The following MYRIP variants were observed in gnomAD, a reference collection of about 807,000 sequenced individuals.
MYRIP encodes the protein rab effector MyRIP.
In MYRIP, 49 loss-of-function variants were observed where a neutral mutation model predicts 98.0. The ratio of observed to expected loss-of-function variants is 0.50; its 90% CI spans 0.40 to 0.63. The LOEUF (loss-of-function observed/expected upper bound fraction) is 0.63, where lower values mean the gene tolerates loss of function less well. MYRIP is among the 30% of genes least tolerant of loss of function. MYRIP has a pLI of 0.00. For synonymous variants in MYRIP, 404 were observed against 409.5 expected, an observed-to-expected ratio of 0.99 and a Z score of 0.16; for missense variants, 1,004 against 1,058.2, an observed-to-expected ratio of 0.95 and a Z score of 0.71.
At chr3:40,091,079 G>A (rs1232212165) in intron 3 of MYRIP, among the ~76,000 whole-genome samples, 1 of 152,232 alleles carries the variant, frequency 6.6e-6, no homozygotes, top group East Asian at 1.9e-4. Context: ...TCAAAGAGCT[G>A]AGCCAGCCTA....
intron 1 of MYRIP, among the ~76,000 whole-genome samples, chr3:39,862,945 A>G (rs995054872): frequency 3.9e-5 from 6 of 152,204 alleles, no homozygotes; most frequent in African/African-American, 1.2e-4. Context: ...TACCAATCAT[A>G]TTCTTGGACC....
chr3:40,113,791 G>A (rs77978445), intron 3 of MYRIP, among the ~76,000 whole-genome samples: 35,112 of 151,896 alleles, frequency 0.23, 4,425 homozygotes, highest in East Asian at 0.36. Context: ...CCGGGTTCAC[G>A]CTATTCTCCT....
chr3:40,179,482 A>C (rs1006164678), intron 8 of MYRIP, among the ~76,000 whole-genome samples: 3 of 152,196 alleles, frequency 2.0e-5, no homozygotes, highest in Non-Finnish European at 4.4e-5. Flanking sequence ...CCACATATAC[A>C]CACAAGTCTG....
At chr3:40,159,038 T>C (rs1405853504) in intron 4 of MYRIP, among the ~76,000 whole-genome samples, 8 of 152,192 alleles carry the variant, frequency 5.3e-5, no homozygotes, top group African/African-American at 1.7e-4. Flanking sequence ...CCTGTCATTA[T>C]GATGTTAGCT....
At chr3:39,950,774 A>G (rs1392430283) in intron 2 of MYRIP, among the ~76,000 whole-genome samples, 1 of 152,188 alleles carries the variant, frequency 6.6e-6, no homozygotes, top group Non-Finnish European at 1.5e-5. Context: ...TGGTGGCCAC[A>G]TTTAATCTAT....
intron 1 of MYRIP, among the ~76,000 whole-genome samples, chr3:39,876,428 T>G (rs1251867880): frequency 6.6e-6 from 1 of 152,222 alleles, no homozygotes; most frequent in Non-Finnish European, 1.5e-5. Flanking sequence ...TGCAGTTTCT[T>G]CCTAGCCTCG....
At chr3:40,036,489 C>A (rs750983946) in intron 2 of MYRIP, among the ~76,000 whole-genome samples, 1 of 151,698 alleles carries the variant, frequency 6.6e-6, no homozygotes, top group Non-Finnish European at 1.5e-5. Flanking sequence ...ATGCAAGAAG[C>A]AATAATGGGC....
chr3:39,916,092 A>C (rs1315402901), intron 2 of MYRIP, among the ~76,000 whole-genome samples: 2 of 152,070 alleles, frequency 1.3e-5, no homozygotes, highest in African/African-American at 4.8e-5. Flanking sequence ...AAGACTAAAT[A>C]AAATATCAAA....
intron 1 of MYRIP, among the ~76,000 whole-genome samples, chr3:39,848,413 C>T (rs1026188521): frequency 2.0e-5 from 3 of 152,134 alleles, no homozygotes; most frequent in African/African-American, 7.2e-5. Flanking sequence ...ATAAGTTACA[C>T]TCATTTTTAA....
chr3:40,044,143 C>T lies in MYRIP; in HGVS notation c.204C>T (p.Cys68=). Residue 68 remains cysteine, a synonymous_variant, in exon 3 of 17, where the codon TGC becomes TGT. Coordinates refer to ENST00000302541, the MANE Select transcript of MYRIP (RefSeq NM_015460.4). The part of the protein sequence containing the change: ...QFVEHCCMRC[C]SPFTFLVNTK... ...TGGAGCACTGCTGCATGCGCTGCTGCTCGCCCTTCACCTTCCTCGTCAACA... is the reference window on the plus strand; with the variant it reads ...TGGAGCACTGCTGCATGCGCTGCTGTTCGCCCTTCACCTTCCTCGTCAACA... The T allele has an allele frequency of 6.2e-7, 1 of 1,614,176 alleles. No individual in the cohort carries two copies. The highest frequency in any genetic ancestry group is 8.5e-7 in the Non-Finnish European group (1 of 1,180,026).
chr3:40,113,336 G>T (rs756478529), intron 3 of MYRIP, among the ~76,000 whole-genome samples: 1 of 152,112 alleles, frequency 6.6e-6, no homozygotes, highest in Non-Finnish European at 1.5e-5. Flanking sequence ...GTAGAGATGG[G>T]GTTTTACCGT....
At chr3:39,941,130 T>C (rs1327771999) in intron 2 of MYRIP, among the ~76,000 whole-genome samples, 5 of 152,000 alleles carry the variant, frequency 3.3e-5, no homozygotes, top group East Asian at 1.9e-4. Context: ...GAAGGTAAAA[T>C]AGAAGTACCT....
chr3:39,843,892 G>A (rs1415615833), intron 1 of MYRIP, among the ~76,000 whole-genome samples: 2 of 152,128 alleles, frequency 1.3e-5, no homozygotes, highest in African/African-American at 4.8e-5. Flanking sequence ...TCAGGACAGG[G>A]GAAGTACATG....
intron 3 of MYRIP, among the ~76,000 whole-genome samples, chr3:40,136,347 A>G (rs1349564241): frequency 6.6e-6 from 1 of 152,232 alleles, no homozygotes; most frequent in African/African-American, 2.4e-5. Flanking sequence ...TCCTAAATAT[A>G]TATGCACCCA....
At chr3:40,190,498 C>T in intron 10 of MYRIP, 35 bp downstream of exon 10, 1 of 1,543,200 alleles carries the variant, frequency 6.5e-7, no homozygotes, top group African/African-American at 1.4e-5. Flanking sequence ...TGCACACACA[C>T]TCTTTAGGTA....
chr3:40,122,132 G>A (rs1319479156), intron 3 of MYRIP, among the ~76,000 whole-genome samples: 1 of 151,984 alleles, frequency 6.6e-6, no homozygotes, highest in Non-Finnish European at 1.5e-5. Context: ...CTCATTTTCA[G>A]TTGAGAGTTT....
chr3:40,075,879 G>T (rs1948332633), intron 3 of MYRIP, among the ~76,000 whole-genome samples: 1 of 152,052 alleles, frequency 6.6e-6, no homozygotes, highest in Non-Finnish European at 1.5e-5. Flanking sequence ...TAACTGTATT[G>T]TCAGGAAAGC....
intron 1 of MYRIP, among the ~76,000 whole-genome samples, chr3:39,893,135 T>C (rs1209494807): frequency 6.6e-6 from 1 of 152,224 alleles, no homozygotes; most frequent in African/African-American, 2.4e-5. Context: ...ATTGTGCAGT[T>C]TACATAAGGC....
chr3:40,005,879 A>G (rs1008760564), intron 2 of MYRIP, among the ~76,000 whole-genome samples: 1 of 152,214 alleles, frequency 6.6e-6, no homozygotes, highest in South Asian at 2.1e-4. Context: ...TATAATTAGA[A>G]ATTGCAAAAA....
Sources: gnomAD v4.1 joint callset for allele counts (sites outside exome capture counted in the v4.1 genomes callset) on GRCh38, gnomAD v4.1.1 for gene constraint, MANE v1.5 for transcripts, NCBI Gene and HGNC (gene_info 2026-07-23, HGNC 2026-07-21) for gene names.